Variants in MSRB3 observed in about 807,000 individuals in gnomAD.
MSRB3 encodes methionine-R-sulfoxide reductase B3.
MSRB3 carries 13 observed loss-of-function variants against 21.0 expected under a neutral mutation model. The observed-to-expected ratio is 0.62, with a 90% confidence interval of 0.40 to 0.98. The LOEUF (loss-of-function observed/expected upper bound fraction) is 0.98. Among genes scored for constraint, MSRB3 ranks in the 50% least tolerant of loss-of-function variants. The pLI is 0.00. For missense variants in MSRB3, 199 were observed against 230.3 expected (o/e 0.86, Z 0.88); for synonymous variants, 87 against 88.6 (o/e 0.98, Z 0.10).
At chr12:65,420,781 G>A (rs1881250815) in intron 5 of MSRB3, among the ~76,000 whole-genome samples, 1 of 152,154 alleles carries the variant, frequency 6.6e-6, no homozygotes, top group African/African-American at 2.4e-5. Context: ...CTCCATCCAT[G>A]TTTCTGCATA....
chr12:65,415,543 A>G (rs1235835657), intron 5 of MSRB3, among the ~76,000 whole-genome samples: 1 of 152,176 alleles, frequency 6.6e-6, no homozygotes, highest in Non-Finnish European at 1.5e-5. Flanking sequence ...GAGGCACAAG[A>G]TTGAAATTTC....
chr12:65,447,390 C>T (rs556801936), intron 5 of MSRB3, among the ~76,000 whole-genome samples: 1 of 152,042 alleles, frequency 6.6e-6, no homozygotes, highest in South Asian at 2.1e-4. Flanking sequence ...TTTAGGGAAT[C>T]ATAGAAAAAC....
chr12:65,364,599 C>T (rs1293668517), intron 4 of MSRB3, among the ~76,000 whole-genome samples: 4 of 152,110 alleles, frequency 2.6e-5, no homozygotes, highest in Non-Finnish European at 5.9e-5. Flanking sequence ...AATGACCATC[C>T]TTCTTTTCTT....
intron 5 of MSRB3, among the ~76,000 whole-genome samples, chr12:65,421,984 C>G (rs1383903035): frequency 2.6e-4 from 39 of 152,088 alleles, no homozygotes; most frequent in East Asian, 1.9e-4. Flanking sequence ...TTCAAGAGAC[C>G]CATCTAACAT....
chr12:65,453,171 A>G (rs1431534262), intron 5 of MSRB3, among the ~76,000 whole-genome samples: 1 of 152,192 alleles, frequency 6.6e-6, no homozygotes, highest in Non-Finnish European at 1.5e-5. Context: ...ATAAAAATAG[A>G]TAGATGCTAT....
chr12:65,425,285 T>G (rs968974308), intron 5 of MSRB3, among the ~76,000 whole-genome samples: 2 of 151,940 alleles, frequency 1.3e-5, no homozygotes, highest in Admixed American at 1.3e-4. Context: ...AGAATATAGT[T>G]GGGTCTTGTG....
intron 5 of MSRB3, among the ~76,000 whole-genome samples, chr12:65,427,355 G>C (rs185710089): frequency 9.2e-5 from 14 of 152,318 alleles, no homozygotes; most frequent in African/African-American, 2.6e-4. Context: ...TACCACAGTG[G>C]CAGTGAGGGT....
rs551837903 is a variant in MSRB3, at chr12:65,402,664, A to G, written c.292+33638A>G. Among the ~76,000 whole-genome samples the G allele has an allele frequency of 3.9e-5, 6 of 152,278 alleles. No homozygotes were observed. The East Asian group carries it at 9.6e-4, about 24-fold the overall frequency. On this transcript the variant is annotated intron_variant, in intron 5 of 6. Coordinates refer to ENST00000308259, the MANE Select transcript of MSRB3 (RefSeq NM_001031679.3). ...CCAGTTTGTTTTCTTGCTGGCAAAA[A>G]GTTGTGATCCTTTGGAGGAGAAGAG... is the stretch of plus-strand genomic sequence containing the variant.
rs1555209340 is a variant in MSRB3, at chr12:65,396,704, A to AGAAAGAAAGAAAGAAAAGAAAGAAAG, written c.292+27678_292+27679insGAAAGAAAGAAAGAAAAGAAAGAAAG. Reference sequence around the variant, plus strand: ...GAAACTCCATCTCAAAAAAAAAAAAAAAAGAAAGAAAGAAAGAAAGAAAGA... The same window carrying AGAAAGAAAGAAAGAAAAGAAAGAAAG: ...GAAACTCCATCTCAAAAAAAAAAAAAGAAAGAAAGAAAGAAAAGAAAGAAAGAAAGAAAGAAAGAAAGAAAGAAAGA... On this transcript the variant is annotated intron_variant, in intron 5 of 6. Transcript: ENST00000308259. Among the ~76,000 whole-genome samples, 47 of 54,156 alleles carry AGAAAGAAAGAAAGAAAAGAAAGAAAG rather than the reference A, an allele frequency of 8.7e-4. 1 individual carries two copies. The highest frequency in any genetic ancestry group is 7.2e-3 in the Middle Eastern group (1 of 138). The allele number at this position is 54,156 out of a possible 152,430, so 35.5% of individuals were successfully genotyped here.
intron 4 of MSRB3, among the ~76,000 whole-genome samples, chr12:65,359,363 G>T (rs73320407): frequency 4.6e-5 from 7 of 152,024 alleles, no homozygotes; most frequent in African/African-American, 1.4e-4. Context: ...GAACTAGCCC[G>T]CTAGCCATAA....
intron 5 of MSRB3, among the ~76,000 whole-genome samples, chr12:65,434,458 A>G (rs1392032224): frequency 1.3e-5 from 2 of 151,978 alleles, no homozygotes; most frequent in Non-Finnish European, 2.9e-5. Flanking sequence ...ACTATCACCA[A>G]GTAAGTTTTA....
intron 5 of MSRB3, among the ~76,000 whole-genome samples, chr12:65,402,180 CTCCTGGATATTTTCCTG>C (rs1880165002): frequency 3.3e-5 from 5 of 152,168 alleles, no homozygotes; most frequent in African/African-American, 1.2e-4. Context: ...TGGGGAAGTT[CTCCTGGATATTTTCCTG>C]AAGAGTGTTT....
chr12:65,459,149 C>T (rs1883213495), intron 6 of MSRB3, among the ~76,000 whole-genome samples: 1 of 152,106 alleles, frequency 6.6e-6, no homozygotes, highest in African/African-American at 2.4e-5. Context: ...TCTGAATTTA[C>T]CCACGTTGGA....
intron 4 of MSRB3, 55 bp from the exon 5 acceptor site, chr12:65,368,943 A>G: frequency 1.9e-6 from 1 of 513,870 alleles, no homozygotes. Context: ...CCCATGAAAT[A>G]ATTGTTCTTT....
At chr12:65,407,034 T>C (rs1187477374) in intron 5 of MSRB3, among the ~76,000 whole-genome samples, 1 of 152,204 alleles carries the variant, frequency 6.6e-6, no homozygotes, top group Non-Finnish European at 1.5e-5. Context: ...TGGTCTAAGA[T>C]ATTTTGTTAT....
intron 1 of MSRB3, chr12:65,286,471 T>C (rs985941511): frequency 6.6e-6 from 1 of 152,192 alleles, no homozygotes; most frequent in East Asian, 1.9e-4. Flanking sequence ...TTTTTAGGTA[T>C]ATGAGCATTG....
intron 5 of MSRB3, among the ~76,000 whole-genome samples, chr12:65,437,984 G>A (rs1243577868): frequency 3.3e-5 from 5 of 151,940 alleles, no homozygotes; most frequent in African/African-American, 1.2e-4. Flanking sequence ...GACATTGTGA[G>A]GAGGGCAGAC....
intron 5 of MSRB3, chr12:65,419,896 A>T (rs1881191746): frequency 3.2e-6 from 2 of 620,510 alleles, no homozygotes; most frequent in African/African-American, 1.8e-5. Flanking sequence ...CGGGAACCAG[A>T]GCCCCCAGTG....
At chr12:65,367,918 T>TGTAC (rs1565858338) in intron 4 of MSRB3, among the ~76,000 whole-genome samples, 3 of 151,304 alleles carry the variant, frequency 2.0e-5, no homozygotes, top group African/African-American at 7.3e-5. Context: ...CATATACATA[T>TGTAC]ACACACACAC....
Sources: allele counts gnomAD v4.1 joint callset (sites outside exome capture counted in the v4.1 genomes callset), GRCh38; gene constraint gnomAD v4.1.1; transcripts MANE v1.5; gene names NCBI Gene and HGNC (gene_info 2026-07-23, HGNC 2026-07-21).